Variants in SLC4A4 observed in about 807,000 individuals in gnomAD.
SLC4A4 encodes electrogenic sodium bicarbonate cotransporter 1.
In SLC4A4, 27 loss-of-function variants were observed where a neutral mutation model predicts 111.5. The ratio of observed to expected loss-of-function variants is 0.24; its 90% CI spans 0.18 to 0.33. SLC4A4 has a LOEUF of 0.33. Among genes scored for constraint, SLC4A4 ranks in the 10% least tolerant of loss-of-function variants. The pLI, the probability that SLC4A4 is intolerant of heterozygous loss-of-function variation, is 1.00. For synonymous variants in SLC4A4, 443 were observed against 463.4 expected (o/e 0.96, Z 0.57); for missense variants, 909 against 1,315.5 (o/e 0.69, Z 4.78).
At chr4:71,393,273 C>A (rs781126467) in intron 6 of SLC4A4, among the ~76,000 whole-genome samples, 2 of 152,110 alleles carry the variant, frequency 1.3e-5, no homozygotes, top group South Asian at 4.1e-4. Context: ...ACCCTGAAGA[C>A]TCCTCCAGAA....
rs559347295 is a variant in SLC4A4 at position 71,129,430 on chromosome 4, C to G, written c.-2+36638C>G. ...AACCACAGTGAGATACCATCATACA[C>G]CAGTCAGAATGGCTGTCATTAAAAA... On this transcript the variant is annotated intron_variant, in intron 2 of 26. Coordinates refer to the SLC4A4 transcript ENST00000649996. 9.2e-5 allele frequency among the ~76,000 whole-genome samples: 14 copies of G among 152,196 alleles called. No individual in the cohort carries two copies. In the South Asian group the frequency reaches 2.5e-3, roughly 27 times the overall value.
At chr4:71,112,769 G>A (rs1743124010) in intron 2 of SLC4A4, among the ~76,000 whole-genome samples, 1 of 152,182 alleles carries the variant, frequency 6.6e-6, no homozygotes, top group African/African-American at 2.4e-5. Context: ...AACTTTAAAA[G>A]TGATTCTAGT....
intron 7 of SLC4A4, among the ~76,000 whole-genome samples, chr4:71,423,975 G>C (rs1722821786): frequency 6.6e-6 from 1 of 152,052 alleles, no homozygotes; most frequent in African/African-American, 2.4e-5. Context: ...GGCAACAAAA[G>C]CCAAAATTGA....
chr4:71,115,727 A>G (rs2363447), intron 2 of SLC4A4, among the ~76,000 whole-genome samples: 110,462 of 152,134 alleles, frequency 0.73, 42,899 homozygotes, highest in Admixed American at 0.85. Context: ...TACTGAGAAT[A>G]GAGTGCTGTC....
intron 2 of SLC4A4, among the ~76,000 whole-genome samples, chr4:71,240,111 A>T (rs565650658): frequency 6.6e-6 from 1 of 152,322 alleles, no homozygotes; most frequent in East Asian, 1.9e-4. Context: ...CTAATTACGT[A>T]GTGAATGAAG....
chr4:71,379,023 T>A (rs1051828365), intron 6 of SLC4A4, among the ~76,000 whole-genome samples: 3 of 152,316 alleles, frequency 2.0e-5, no homozygotes, highest in Middle Eastern at 3.4e-3. Flanking sequence ...TTACAACTGC[T>A]CTAATTCAGG....
chr4:71,343,922 C>T (rs1284685273), intron 4 of SLC4A4, among the ~76,000 whole-genome samples: 2 of 151,712 alleles, frequency 1.3e-5, no homozygotes, highest in Non-Finnish European at 2.9e-5. Flanking sequence ...TTCCCTGAAC[C>T]CCCACAGTTA....
chr4:71,345,912 A>AT (rs952429278), intron 4 of SLC4A4, among the ~76,000 whole-genome samples: 1 of 151,996 alleles, frequency 6.6e-6, no homozygotes, highest in African/African-American at 2.4e-5. Flanking sequence ...TAAAAACCTC[A>AT]TTTTTCCCAG....
chr4:71,281,898 G>A lies in SLC4A4; in HGVS notation c.253+26499G>A, dbSNP rs757432850. On this transcript the variant is annotated intron_variant, in intron 3 of 25. Transcript: ENST00000264485. Reference sequence around the variant, plus strand: ...ACGTAGCACTGGTGACTGAGGCAAGGGTCATTTGATCTCTTTTTTCTCTTT... The same window carrying A: ...ACGTAGCACTGGTGACTGAGGCAAGAGTCATTTGATCTCTTTTTTCTCTTT... 3.8e-4 allele frequency among the ~76,000 whole-genome samples: 58 copies of A among 151,610 alleles called. 1 individual carries two copies. Among genetic ancestry groups the A allele is most frequent in the Admixed American group, 1.3e-4 (2 of 15,202 alleles).
chr4:71,168,308 A>G (rs1744839806), intron 2 of SLC4A4, among the ~76,000 whole-genome samples: 1 of 150,776 alleles, frequency 6.6e-6, no homozygotes. Context: ...CAGCCTCCCA[A>G]GTAGCTGGAA....
At chr4:71,415,223 G>A (rs1158099818) in intron 7 of SLC4A4, among the ~76,000 whole-genome samples, 2 of 152,280 alleles carry the variant, frequency 1.3e-5, no homozygotes, top group Non-Finnish European at 2.9e-5. Context: ...ACAAACTGGT[G>A]GAAGAAATTT....
chr4:71,089,713 A>G (rs1742319476), intron 1 of SLC4A4, among the ~76,000 whole-genome samples: 1 of 151,840 alleles, frequency 6.6e-6, no homozygotes, highest in Non-Finnish European at 1.5e-5. Context: ...AGAACAGTGG[A>G]TATTGGTGAA....
intron 16 of SLC4A4, among the ~76,000 whole-genome samples, chr4:71,520,101 CATT>C (rs1364181366): frequency 6.6e-6 from 1 of 152,128 alleles, no homozygotes; most frequent in Non-Finnish European, 1.5e-5. Flanking sequence ...TATGCTTAAA[CATT>C]ATACATAAGA....
chr4:71,427,878 A>G (rs1263591713), intron 7 of SLC4A4, among the ~76,000 whole-genome samples: 4 of 152,184 alleles, frequency 2.6e-5, no homozygotes, highest in Non-Finnish European at 4.4e-5. Flanking sequence ...AGTTGGGCCT[A>G]TGAAACAGAC....
intron 2 of SLC4A4, among the ~76,000 whole-genome samples, chr4:71,117,448 C>A (rs571692386): frequency 1.8e-4 from 28 of 152,088 alleles, no homozygotes. Context: ...TTTGTTTTAA[C>A]GGTAAATTTT....
intron 14 of SLC4A4, 130 bp downstream of exon 14, chr4:71,473,100 C>G: frequency 9.5e-7 from 1 of 1,051,516 alleles, no homozygotes; most frequent in Non-Finnish European, 1.5e-6. Context: ...CTGAAAAACT[C>G]TGCTACTGAA....
intron 3 of SLC4A4, among the ~76,000 whole-genome samples, chr4:71,327,467 C>T (rs1220331967): frequency 6.6e-6 from 1 of 151,794 alleles, no homozygotes; most frequent in Non-Finnish European, 1.5e-5. Context: ...TGAGGAAGTC[C>T]CTTACCTTCT....
At chr4:71,187,551 C>G (rs1207356886) in intron 1 of SLC4A4, 150 bp downstream of exon 1, 4 of 153,132 alleles carry the variant, frequency 2.6e-5, no homozygotes, top group Non-Finnish European at 5.8e-5. Context: ...AATTGCGGGC[C>G]GGGCATCCCC....
intron 1 of SLC4A4, among the ~76,000 whole-genome samples, chr4:71,221,454 T>C (rs1267569269): frequency 6.6e-6 from 1 of 152,214 alleles, no homozygotes; most frequent in Non-Finnish European, 1.5e-5. Context: ...TCCCCCAAAG[T>C]GCAGTCAGTG....
Sources: allele counts gnomAD v4.1 joint callset (sites outside exome capture counted in the v4.1 genomes callset), GRCh38; gene constraint gnomAD v4.1.1; transcripts MANE v1.5; gene names NCBI Gene and HGNC (gene_info 2026-07-23, HGNC 2026-07-21).